NEGR1: variants seen among roughly 807,000 people sequenced by gnomAD.
NEGR1 encodes IgLON family member 4.
NEGR1 carries 10 observed loss-of-function variants against 40.9 expected under a neutral mutation model. The ratio of observed to expected loss-of-function variants is 0.24; its 90% CI spans 0.15 to 0.42. NEGR1 has a LOEUF of 0.42. Among genes scored for constraint, NEGR1 ranks in the 10% least tolerant of loss-of-function variants. NEGR1 has a pLI of 1.00. For synonymous variants in NEGR1, 185 were observed against 166.8 expected, an observed-to-expected ratio of 1.11 and a Z score of -0.84; for missense variants, 352 against 438.9, an observed-to-expected ratio of 0.80 and a Z score of 1.77.
At chr1:71,850,662 T>A (rs1422026043) in intron 2 of NEGR1, among the ~76,000 whole-genome samples, 1 of 152,212 alleles carries the variant, frequency 6.6e-6, no homozygotes, top group Non-Finnish European at 1.5e-5. Context: ...TTTTATTTTG[T>A]AATGCTTTTG....
intron 1 of NEGR1, among the ~76,000 whole-genome samples, chr1:72,183,555 G>A (rs933285515): frequency 3.3e-5 from 5 of 151,992 alleles, no homozygotes; most frequent in African/African-American, 9.6e-5. Context: ...ATTCTATATT[G>A]ATAACTGCTT....
intron 1 of NEGR1, among the ~76,000 whole-genome samples, chr1:72,185,923 A>G (rs1652596504): frequency 6.6e-6 from 1 of 151,850 alleles, no homozygotes; most frequent in Non-Finnish European, 1.5e-5. Flanking sequence ...AGGGGAAAAT[A>G]CAAATGCTCT....
At chr1:71,825,043 A>G (rs577201067) in intron 2 of NEGR1, among the ~76,000 whole-genome samples, 4 of 151,938 alleles carry the variant, frequency 2.6e-5, no homozygotes, top group Non-Finnish European at 5.9e-5. Flanking sequence ...GTCATAACAC[A>G]GCTGTTTTCA....
chr1:72,056,501 G>A (rs1029774835), intron 1 of NEGR1, among the ~76,000 whole-genome samples: 2 of 151,148 alleles, frequency 1.3e-5, no homozygotes, highest in South Asian at 2.1e-4. Context: ...TCTGTAATGA[G>A]AATTGAAATT....
chr1:71,466,522 G>T (rs1313939750), intron 6 of NEGR1, among the ~76,000 whole-genome samples: 2 of 152,062 alleles, frequency 1.3e-5, no homozygotes, highest in Non-Finnish European at 2.9e-5. Flanking sequence ...GAAAACAATA[G>T]AGCTGGGGAA....
chr1:71,843,694 A>G (rs1389310016), intron 2 of NEGR1, among the ~76,000 whole-genome samples: 1 of 152,204 alleles, frequency 6.6e-6, no homozygotes, highest in Non-Finnish European at 1.5e-5. Flanking sequence ...CTCATCAGTG[A>G]GATCCAAAAT....
chr1:71,624,446 C>T (rs1378078771), intron 4 of NEGR1, among the ~76,000 whole-genome samples: 1 of 151,986 alleles, frequency 6.6e-6, no homozygotes, highest in Non-Finnish European at 1.5e-5. Flanking sequence ...CTACACACAA[C>T]TATGCTTCAC....
intron 1 of NEGR1, among the ~76,000 whole-genome samples, chr1:72,031,329 G>C (rs1646856801): frequency 6.6e-6 from 1 of 152,156 alleles, no homozygotes; most frequent in Admixed American, 6.5e-5. Context: ...TGGATCTGAG[G>C]AGGCCAAGCA....
intron 6 of NEGR1, among the ~76,000 whole-genome samples, chr1:71,519,521 T>C (rs1260023511): frequency 1.1e-5 from 1 of 89,916 alleles, no homozygotes; most frequent in Non-Finnish European, 2.2e-5. Context: ...TAGGTGGGAA[T>C]TGAACAATGA....
At chr1:72,090,818 T>C (rs1648453668) in intron 1 of NEGR1, among the ~76,000 whole-genome samples, 1 of 152,150 alleles carries the variant, frequency 6.6e-6, no homozygotes, top group Non-Finnish European at 1.5e-5. Context: ...GAGTAAGTCA[T>C]GTGCCCTCTA....
chr1:71,934,940 T>C (rs1291326814), intron 2 of NEGR1, 139 bp downstream of exon 2: 8 of 629,828 alleles, frequency 1.3e-5, no homozygotes, highest in Non-Finnish European at 2.2e-5. Context: ...CTGAAAACTA[T>C]GACAATATAA....
intron 6 of NEGR1, among the ~76,000 whole-genome samples, chr1:71,410,418 AAG>A (rs1450124764): frequency 6.6e-6 from 1 of 152,180 alleles, no homozygotes; most frequent in African/African-American, 2.4e-5. Context: ...CACATAGGCA[AAG>A]ATGAATAAAA....
At position 71,459,169 on chromosome 1, in the gene NEGR1, C is replaced by G. The variant is rs150088536; in HGVS notation, c.941-51599G>C. On this transcript the variant is annotated intron_variant, in intron 6 of 6. Transcript: ENST00000357731. The stretch of plus-strand genomic sequence containing the variant: ...AGTCGATATTTTGGAAAATACTATT[C>G]CAACTTGGGGACGACTTTTCTTCCA... Among the ~76,000 whole-genome samples the G allele has an allele frequency of 5.0e-3, 768 of 152,238 alleles. 1 individual carries two copies. Among genetic ancestry groups the G allele is most frequent in the Non-Finnish European group, 8.7e-3 (591 of 68,016 alleles).
At chr1:72,183,878 A>G (rs1360688696) in intron 1 of NEGR1, among the ~76,000 whole-genome samples, 1 of 152,080 alleles carries the variant, frequency 6.6e-6, no homozygotes, top group Non-Finnish European at 1.5e-5. Context: ...TATGAGTAAT[A>G]TTTTTTTAAT....
chr1:72,281,619 G>T (rs1219217909), intron 1 of NEGR1, among the ~76,000 whole-genome samples: 1 of 151,822 alleles, frequency 6.6e-6, no homozygotes, highest in Non-Finnish European at 1.5e-5. Flanking sequence ...AAAGAAAAAA[G>T]GGTAAAAGAG....
At chr1:71,549,486 A>C (rs1481377836) in intron 6 of NEGR1, among the ~76,000 whole-genome samples, 1 of 151,678 alleles carries the variant, frequency 6.6e-6, no homozygotes, top group Admixed American at 6.6e-5. Context: ...AAATCTTCCC[A>C]AGTGCCTCTG....
At chr1:72,048,174 CT>C (rs1200508778) in intron 1 of NEGR1, among the ~76,000 whole-genome samples, 1 of 151,534 alleles carries the variant, frequency 6.6e-6, no homozygotes, top group Non-Finnish European at 1.5e-5. Flanking sequence ...CTCAAATTTT[CT>C]TTTTTGCAGC....
chr1:71,493,693 C>T (rs1646944187), intron 6 of NEGR1, among the ~76,000 whole-genome samples: 1 of 152,120 alleles, frequency 6.6e-6, no homozygotes, highest in South Asian at 2.1e-4. Context: ...AAAGAGAATA[C>T]TTCACAATTT....
At chr1:71,814,097 T>A (rs934114439) in intron 2 of NEGR1, among the ~76,000 whole-genome samples, 1 of 152,126 alleles carries the variant, frequency 6.6e-6, no homozygotes, top group Admixed American at 6.6e-5. Context: ...TTTTGAGGAA[T>A]GTTCCATCAA....
Sources: allele counts gnomAD v4.1 joint callset (sites outside exome capture counted in the v4.1 genomes callset), GRCh38; gene constraint gnomAD v4.1.1; transcripts MANE v1.5; gene names NCBI Gene and HGNC (gene_info 2026-07-23, HGNC 2026-07-21).